The following ATP8A2 variants were observed in gnomAD, a reference collection of about 807,000 sequenced individuals.
ATP8A2 encodes the protein phospholipid-transporting ATPase IB.
Under a neutral mutation model 165.6 loss-of-function variants are expected in ATP8A2, and 100 were observed. That is an observed-to-expected ratio of 0.60 (90% CI 0.51 to 0.71). ATP8A2 has a LOEUF of 0.71. Ranked by LOEUF, ATP8A2 falls within the 30% of genes least tolerant of loss-of-function variation. The probability of loss-of-function intolerance (pLI) is 0.00; values close to 1 mark genes in which losing one functional copy is unlikely to be tolerated. For synonymous variants in ATP8A2, 543 were observed against 548.8 expected (o/e 0.99, Z 0.15); for missense variants, 1,227 against 1,479.5 (o/e 0.83, Z 2.80).
intron 10 of ATP8A2, among the ~76,000 whole-genome samples, chr13:25,550,644 G>T (rs1302280149): frequency 2.0e-5 from 3 of 152,148 alleles, no homozygotes; most frequent in Non-Finnish European, 4.4e-5. Flanking sequence ...TGATAAGGTT[G>T]CCATTCTCCT....
chr13:25,468,971 C>T lies in ATP8A2; in HGVS notation c.77-6C>T. The T allele has an allele frequency of 6.2e-7, 1 of 1,613,940 alleles. No homozygotes were observed. The highest frequency in any genetic ancestry group is 1.3e-5 in the African/African-American group (1 of 75,056). On this transcript the variant is annotated splice_polypyrimidine_tract_variant and splice_region_variant and intron_variant, in intron 1 of 36. Transcript: ENST00000381655. ...CGTATTCTCTGCCTGCGCCCTGTCT[C>T]TGCAGGACCTGTTCGTTCTTCTTTG...
At chr13:25,480,488 C>A (rs544565663) in intron 2 of ATP8A2, among the ~76,000 whole-genome samples, 1 of 149,518 alleles carries the variant, frequency 6.7e-6, no homozygotes, top group African/African-American at 2.5e-5. Flanking sequence ...GGGTCGCGGC[C>A]GGGCAGAGGC....
intron 24 of ATP8A2, among the ~76,000 whole-genome samples, chr13:25,601,614 T>C (rs2040389415): frequency 6.6e-6 from 1 of 152,108 alleles, no homozygotes; most frequent in Non-Finnish European, 1.5e-5. Flanking sequence ...ACAGGCGCGC[T>C]ACAGGCATGC....
intron 1 of ATP8A2, among the ~76,000 whole-genome samples, chr13:25,453,147 C>T (rs762820655): frequency 1.3e-5 from 2 of 151,482 alleles, no homozygotes; most frequent in African/African-American, 4.8e-5. Context: ...CTTTTTGAAA[C>T]GAAGTTTTCG....
At chr13:25,813,980 C>G (rs146096228) in intron 27 of ATP8A2, among the ~76,000 whole-genome samples, 1 of 152,100 alleles carries the variant, frequency 6.6e-6, no homozygotes, top group Non-Finnish European at 1.5e-5. Flanking sequence ...ACTGAAACAT[C>G]AGCTTTTCCT....
intron 35 of ATP8A2, among the ~76,000 whole-genome samples, chr13:26,006,058 C>A (rs1356231646): frequency 6.6e-6 from 1 of 151,842 alleles, no homozygotes; most frequent in Non-Finnish European, 1.5e-5. Flanking sequence ...ACAAAAAAAA[C>A]CATTGGGATT....
intron 33 of ATP8A2, among the ~76,000 whole-genome samples, chr13:25,902,939 GCACACA>G (rs3221410): frequency 9.3e-5 from 13 of 140,520 alleles, no homozygotes; most frequent in Middle Eastern, 3.4e-3. Context: ...TCCTCAGCAT[GCACACA>G]CACACACACA....
Position 25,823,738 on chromosome 13 carries a change from G to A in ATP8A2, c.2680-4380G>A, listed in dbSNP as rs149614717. Among the ~76,000 whole-genome samples, 56 of 152,264 alleles carry A rather than the reference G, an allele frequency of 3.7e-4. 1 individual carries two copies. In the East Asian group the frequency reaches 7.1e-3, roughly 19 times the overall value. ...CATGTGTGGGTATTGATCTTTCTGT[G>A]TCTGTTGCTTGTTTTGTTTCCTAGG... On this transcript the variant is annotated intron_variant, in intron 27 of 36. Transcript: ENST00000381655.
chr13:25,471,751 G>A (rs983031952), intron 2 of ATP8A2, among the ~76,000 whole-genome samples: 36 of 152,350 alleles, frequency 2.4e-4, no homozygotes, highest in African/African-American at 7.9e-4. Flanking sequence ...GAGGGATTCC[G>A]AGTAGCTGTC....
intron 27 of ATP8A2, among the ~76,000 whole-genome samples, chr13:25,823,460 A>C (rs1951231067): frequency 1.3e-5 from 2 of 152,240 alleles, no homozygotes; most frequent in South Asian, 2.1e-4. Flanking sequence ...GTTTAATATT[A>C]CTTCTGTCAT....
chr13:26,011,349 CCTCTTCTTAT>C, intron 35 of ATP8A2, among the ~76,000 whole-genome samples: 1 of 152,296 alleles, frequency 6.6e-6, no homozygotes, highest in South Asian at 2.1e-4. Flanking sequence ...GTCCTCATCT[CCTCTTCTTAT>C]TAGGACAGCA....
intron 2 of ATP8A2, among the ~76,000 whole-genome samples, chr13:25,509,266 C>T (rs7324362): frequency 1 from 152,318 of 152,324 alleles, 76,156 homozygotes; most frequent in Non-Finnish European, 1. Flanking sequence ...TCATGGCAAT[C>T]CCTCTAAATT....
intron 26 of ATP8A2, among the ~76,000 whole-genome samples, chr13:25,770,715 C>T (rs548171662): frequency 6.6e-6 from 1 of 152,286 alleles, no homozygotes; most frequent in East Asian, 1.9e-4. Flanking sequence ...AAAACCTAGA[C>T]ATCACAGCGA....
Position 25,791,840 on chromosome 13 carries a change from C to T in ATP8A2, c.2679+16881C>T, listed in dbSNP as rs571094446. ...AATACATTTTACTAGACCCTTGTTTCCTTCTTGCTGCTGAGTATATTTTCA... is the reference window on the plus strand; with the variant it reads ...AATACATTTTACTAGACCCTTGTTTTCTTCTTGCTGCTGAGTATATTTTCA... On this transcript the variant is annotated intron_variant, in intron 27 of 36. Transcript: ENST00000381655. Among the ~76,000 whole-genome samples the T allele has an allele frequency of 7.9e-4, 120 of 152,254 alleles. 1 individual carries two copies. Among genetic ancestry groups the T allele is most frequent in the South Asian group, 3.1e-3 (15 of 4,816 alleles).
At chr13:25,394,915 C>T (rs2033370005) in intron 1 of ATP8A2, among the ~76,000 whole-genome samples, 1 of 152,188 alleles carries the variant, frequency 6.6e-6, no homozygotes, top group African/African-American at 2.4e-5. Context: ...ATTAATTTCC[C>T]CACATATTTA....
chr13:25,502,330 T>C (rs538433472), intron 2 of ATP8A2, among the ~76,000 whole-genome samples: 1 of 152,348 alleles, frequency 6.6e-6, no homozygotes, highest in South Asian at 2.1e-4. Context: ...CATAGTTTAA[T>C]TCAGATAAAT....
intron 33 of ATP8A2, among the ~76,000 whole-genome samples, chr13:25,914,016 C>T (rs1441872646): frequency 1.3e-5 from 2 of 152,140 alleles, no homozygotes; most frequent in African/African-American, 4.8e-5. Flanking sequence ...AGCATTAGAC[C>T]AAAAGACACT....
chr13:25,773,726 G>A (rs796065970), intron 26 of ATP8A2, among the ~76,000 whole-genome samples: 2 of 152,208 alleles, frequency 1.3e-5, no homozygotes, highest in African/African-American at 4.8e-5. Context: ...GTGTACATGT[G>A]TATTTGTATG....
At chr13:25,492,932 G>A (rs546491798) in intron 2 of ATP8A2, among the ~76,000 whole-genome samples, 5 of 152,328 alleles carry the variant, frequency 3.3e-5, no homozygotes, top group South Asian at 4.1e-4. Flanking sequence ...GTGCCTGCAC[G>A]AGGAGCGAGG....
Sources: gnomAD v4.1 joint callset for allele counts (sites outside exome capture counted in the v4.1 genomes callset) on GRCh38, gnomAD v4.1.1 for gene constraint, MANE v1.5 for transcripts, NCBI Gene and HGNC (gene_info 2026-07-23, HGNC 2026-07-21) for gene names.